FAM114A1: variants seen among roughly 807,000 people sequenced by gnomAD.
The protein encoded by FAM114A1 is family with sequence similarity 114 member A1, also known as protein NOXP20.
In FAM114A1, 62 loss-of-function variants were observed where a neutral mutation model predicts 64.3. The ratio of observed to expected loss-of-function variants is 0.96; its 90% CI spans 0.79 to 1.19. The LOEUF is 1.19. Ranked by LOEUF, FAM114A1 falls within the 50% of genes most tolerant of loss-of-function variation. FAM114A1 has a pLI of 0.00. For synonymous variants in FAM114A1, 254 were observed against 251.1 expected (o/e 1.01, Z -0.11); for missense variants, 645 against 676.3 (o/e 0.95, Z 0.51).
chr4:38,887,708 CCTTT>C (rs1240345897), intron 3 of FAM114A1, among the ~76,000 whole-genome samples: 1 of 152,122 alleles, frequency 6.6e-6, no homozygotes, highest in African/African-American at 2.4e-5. Flanking sequence ...ATGCTTTCAA[CCTTT>C]CTATGTTTAA....
At chr4:38,897,536 C>T (rs1717053244) in intron 4 of FAM114A1, among the ~76,000 whole-genome samples, 1 of 152,224 alleles carries the variant, frequency 6.6e-6, no homozygotes, top group African/African-American at 2.4e-5. Context: ...GGACTTAACT[C>T]TTGCATTAGG....
chr4:38,868,607 G>C (rs1003668763), intron 2 of FAM114A1, 61 bp downstream of exon 2: 4 of 152,346 alleles, frequency 2.6e-5, no homozygotes, highest in Admixed American at 6.5e-5. Context: ...TCTTAAGTAG[G>C]AAGACATCTC....
chr4:38,881,459 G>A (rs1024392015), intron 3 of FAM114A1, among the ~76,000 whole-genome samples: 2 of 152,090 alleles, frequency 1.3e-5, no homozygotes, highest in South Asian at 2.1e-4. Context: ...CCACAGAGTC[G>A]GGCCCGTGGC....
rs200349145 is a variant in FAM114A1, at chr4:38,906,544, GT to G, written c.657+690del. Among the ~76,000 whole-genome samples, 13 of 152,132 alleles carry G rather than the reference GT, an allele frequency of 8.5e-5. No individual in the cohort carries two copies. The East Asian group carries it at 2.3e-3, about 27-fold the overall frequency. ...AAAGATTTATTTTGTTTTTTCTTTT[GT>G]TTTTTTGAGATGGAGTCTCACTCTT... On this transcript the variant is annotated intron_variant, in intron 6 of 14. Coordinates refer to ENST00000358869, the MANE Select transcript of FAM114A1 (RefSeq NM_138389.4).
chr4:38,923,062 T>G (rs1190257802), intron 9 of FAM114A1, among the ~76,000 whole-genome samples, 169 bp downstream of exon 9: 2 of 152,170 alleles, frequency 1.3e-5, no homozygotes, highest in Non-Finnish European at 1.5e-5. Context: ...CATTGATTTA[T>G]AAGACTCTCT....
chr4:38,871,891 A>G (rs1025846686), intron 2 of FAM114A1, among the ~76,000 whole-genome samples: 2 of 152,222 alleles, frequency 1.3e-5, no homozygotes, highest in African/African-American at 4.8e-5. Context: ...GCAGGACTCA[A>G]CTAAGCTTCT....
chr4:38,934,284 C>T (rs1408071903), intron 12 of FAM114A1, among the ~76,000 whole-genome samples: 1 of 152,144 alleles, frequency 6.6e-6, no homozygotes, highest in Non-Finnish European at 1.5e-5. Flanking sequence ...GCACCCAGTC[C>T]CTGATTTGCC....
chr4:38,892,945 G>T (rs1716542274), intron 4 of FAM114A1, among the ~76,000 whole-genome samples: 1 of 152,228 alleles, frequency 6.6e-6, no homozygotes, highest in Non-Finnish European at 1.5e-5. Context: ...ATATCAGTTT[G>T]CTCAGGAAGG....
chr4:38,880,200 G>C (rs2890685), intron 3 of FAM114A1, among the ~76,000 whole-genome samples: 31,593 of 130,638 alleles, frequency 0.24, 6,023 homozygotes, highest in African/African-American at 0.27. Flanking sequence ...AGGGTCCCAA[G>C]CCCAAGGATT....
intron 6 of FAM114A1, among the ~76,000 whole-genome samples, chr4:38,907,077 A>G (rs1013224945): frequency 3.3e-5 from 5 of 152,198 alleles, no homozygotes; most frequent in African/African-American, 1.2e-4. Flanking sequence ...GCGGTCAAAC[A>G]TGAGAGGATC....
In FAM114A1 at chr4:38,944,313, G is replaced by T. The variant is rs1362050702; in HGVS notation, c.*756G>T. ...TCTCGATCTCCTGACCTCGTGATCT[G>T]CCCGCCTCAGCCTCCCAAAGTGCTG... On this transcript the variant is annotated 3_prime_UTR_variant, in exon 15 of 15. Transcript: ENST00000358869. 1 of 151,968 alleles carries T rather than the reference G, an allele frequency of 6.6e-6. No individual in the cohort carries two copies. Among genetic ancestry groups the T allele is most frequent in the Non-Finnish European group, 1.5e-5 (1 of 68,024 alleles). 9.4% of individuals were successfully genotyped at this position (151,968 alleles called of 1,614,324 possible).
At chr4:38,869,821 A>T (rs1456376182) in intron 2 of FAM114A1, among the ~76,000 whole-genome samples, 3 of 151,988 alleles carry the variant, frequency 2.0e-5, no homozygotes, top group Non-Finnish European at 2.9e-5. Flanking sequence ...AAATCCATCC[A>T]CTGTCACTAT....
chr4:38,873,005 A>G (rs147562664), intron 2 of FAM114A1, among the ~76,000 whole-genome samples: 3 of 152,348 alleles, frequency 2.0e-5, no homozygotes, highest in East Asian at 1.9e-4. Flanking sequence ...CCAAATGACA[A>G]CAGCCTTTTT....
chr4:38,879,417 G>A (rs940347184), intron 3 of FAM114A1, among the ~76,000 whole-genome samples: 1 of 152,116 alleles, frequency 6.6e-6, no homozygotes, highest in African/African-American at 2.4e-5. Context: ...CATGAGCTTG[G>A]GCCAGACAAA....
intron 2 of FAM114A1, among the ~76,000 whole-genome samples, chr4:38,873,003 C>G (rs1011692687): frequency 6.6e-6 from 1 of 152,204 alleles, no homozygotes; most frequent in African/African-American, 2.4e-5. Context: ...TTCCAAATGA[C>G]AACAGCCTTT....
intron 2 of FAM114A1, 104 bp from the exon 3 acceptor site, chr4:38,877,964 CAAA>C (rs34317975): frequency 2.3e-4 from 185 of 814,446 alleles, no homozygotes; most frequent in Middle Eastern, 3.7e-4. Context: ...AACTCCGTCT[CAAA>C]AAAAAAAAAA....
intron 7 of FAM114A1, among the ~76,000 whole-genome samples, chr4:38,910,917 C>T (rs1718472284): frequency 6.6e-6 from 1 of 152,124 alleles, no homozygotes; most frequent in South Asian, 2.1e-4. Flanking sequence ...TTGGGTTTGA[C>T]TGTTAGTGAA....
intron 7 of FAM114A1, 156 bp from the exon 8 acceptor site, chr4:38,914,765 G>T: frequency 1.3e-6 from 1 of 770,154 alleles, no homozygotes; most frequent in Non-Finnish European, 2.0e-6. Context: ...TTATCAATAG[G>T]ATCAATCAAA....
At chr4:38,920,007 G>A (rs1719435576) in intron 8 of FAM114A1, among the ~76,000 whole-genome samples, 1 of 152,126 alleles carries the variant, frequency 6.6e-6, no homozygotes, top group South Asian at 2.1e-4. Flanking sequence ...TCAGGAGTTT[G>A]AGACCAGCCT....
Sources: gnomAD v4.1 joint callset for allele counts (sites outside exome capture counted in the v4.1 genomes callset) on GRCh38, gnomAD v4.1.1 for gene constraint, MANE v1.5 for transcripts, NCBI Gene and HGNC (gene_info 2026-07-23, HGNC 2026-07-21) for gene names.